The following ABCG2 variants were observed in gnomAD, a reference collection of about 807,000 sequenced individuals.
ABCG2 encodes the protein broad substrate specificity ATP-binding cassette transporter ABCG2.
In ABCG2, 80 loss-of-function variants were observed where a neutral mutation model predicts 73.5. The observed-to-expected ratio is 1.09, with a 90% confidence interval of 0.91 to 1.31. The LOEUF is 1.31. ABCG2 is among the 50% of genes most tolerant of loss of function. The probability of loss-of-function intolerance (pLI) is 0.00; values close to 1 mark genes in which losing one functional copy is unlikely to be tolerated. For missense variants in ABCG2, 796 were observed against 786.2 expected, an observed-to-expected ratio of 1.01 and a Z score of -0.15; for synonymous variants, 269 against 282.4, an observed-to-expected ratio of 0.95 and a Z score of 0.48.
intron 1 of ABCG2, among the ~76,000 whole-genome samples, chr4:88,147,231 C>T (rs1413167301): frequency 6.6e-6 from 1 of 152,184 alleles, no homozygotes; most frequent in Non-Finnish European, 1.5e-5. Context: ...AGCTGTGAGG[C>T]TGAGGCAGGA....
rs1369538347 is a variant in ABCG2, at chr4:88,099,367, C to G, written c.1449G>C (p.Met483Ile). The change falls in exon 12 of 16, where the codon ATG becomes ATC. Residue 483 changes from methionine to isoleucine, a missense_variant. Physicochemically the swap from Met to Ile is conservative, Grantham distance 10 (BLOSUM62 1). Transcript: ENST00000237612. The part of the protein sequence containing the change: ...KLLSDLLPMR[M>I]LPSIIFTCIV... ...TACAGGTAAATATAATACTTGGTAA[C>G]ATCCTCATGGGTAATAAATCAGATA... 5 of 1,611,846 alleles carry G rather than the reference C, an allele frequency of 3.1e-6. No individual in the cohort carries two copies. Among genetic ancestry groups the G allele is most frequent in the Non-Finnish European group, 4.2e-6 (5 of 1,178,848 alleles).
At chr4:88,121,016 T>C (rs1030143910) in intron 6 of ABCG2, among the ~76,000 whole-genome samples, 1 of 152,226 alleles carries the variant, frequency 6.6e-6, no homozygotes, top group Non-Finnish European at 1.5e-5. Context: ...AAATATTTTA[T>C]GTGAAGAGTC....
At chr4:88,182,723 A>G (rs1449758808) in intron 1 of ABCG2, among the ~76,000 whole-genome samples, 4 of 152,216 alleles carry the variant, frequency 2.6e-5, no homozygotes, top group Non-Finnish European at 4.4e-5. Flanking sequence ...GAAATACAAC[A>G]TAGCAAAACC....
rs766988282 is a variant in ABCG2, at chr4:88,121,697, CA to C, written c.626del (p.Leu209TrpfsTer8). The C allele has an allele frequency of 3.1e-6, 5 of 1,614,086 alleles. No homozygotes were observed. Among genetic ancestry groups the C allele is most frequent in the Non-Finnish European group, 4.2e-6 (5 of 1,179,984 alleles). On this transcript the variant is annotated frameshift_variant, in exon 6 of 16. Coordinates refer to ENST00000237612, the MANE Select transcript of ABCG2 (RefSeq NM_004827.3). LOFTEE classifies it high-confidence loss of function. Reference protein sequence around the residue: ...ELITDPSILFLDEPTTGLDSS... With the variant: ...ELITDPSILFXDEPTTGLDSS... ...AGTCTAAGCCAGTTGTAGGCTCATC[CA>C]AGAACAAGATGGAAGGATCAGTGAT...
At chr4:88,121,564 T>C (rs547182380) in intron 6 of ABCG2, 71 bp downstream of exon 6, 1 of 1,424,222 alleles carries the variant, frequency 7.0e-7, no homozygotes, top group Non-Finnish European at 9.6e-7. Context: ...CTGAACCCCC[T>C]GCCCCAAGAA....
At chr4:88,102,572 G>A (rs551710965) in intron 10 of ABCG2, among the ~76,000 whole-genome samples, 62 of 150,398 alleles carry the variant, frequency 4.1e-4, no homozygotes, top group African/African-American at 1.5e-3. Flanking sequence ...CTCCAGCCTG[G>A]GTGACAGAGC....
chr4:88,096,706 T>A lies in ABCG2; in HGVS notation c.1647+747A>T, dbSNP rs569408103. Among the ~76,000 whole-genome samples, 4 of 151,744 alleles carry A rather than the reference T, an allele frequency of 2.6e-5. No homozygotes were observed. In the East Asian group the frequency reaches 7.7e-4, roughly 29 times the overall value. ...TTTCATTCACCTGTTGATTCCTCTATGTGCAAAATTTAGGGGCATGTAAGA... is the reference window on the plus strand; with the variant it reads ...TTTCATTCACCTGTTGATTCCTCTAAGTGCAAAATTTAGGGGCATGTAAGA... On this transcript the variant is annotated intron_variant, in intron 13 of 15. Transcript: ENST00000237612.
chr4:88,135,373 G>A (rs1356881854), intron 2 of ABCG2, among the ~76,000 whole-genome samples: 1 of 152,174 alleles, frequency 6.6e-6, no homozygotes, highest in African/African-American at 2.4e-5. Context: ...GTAAACCACT[G>A]AACATGAACC....
At position 88,130,211 on chromosome 4, in the gene ABCG2, C is replaced by T. The variant is rs542705695; in HGVS notation, c.531+850G>A. Reference sequence around the variant, plus strand: ...GCAAAGCTTCATCGGTATTTACAGCCGCTCCCCAATGCTTGCATTACCACC... The same window carrying T: ...GCAAAGCTTCATCGGTATTTACAGCTGCTCCCCAATGCTTGCATTACCACC... On this transcript the variant is annotated intron_variant, in intron 5 of 15. Transcript: ENST00000237612. Among the ~76,000 whole-genome samples, 178 of 152,226 alleles carry T rather than the reference C, an allele frequency of 1.2e-3. 2 individuals are homozygous for T. The highest frequency in any genetic ancestry group is 8.5e-3 in the South Asian group (41 of 4,818).
chr4:88,191,271 CA>C (rs560675161), intron 1 of ABCG2, among the ~76,000 whole-genome samples: 146 of 100,488 alleles, frequency 1.5e-3, no homozygotes, highest in African/African-American at 4.0e-3. Flanking sequence ...GACTCCGTCT[CA>C]AAAAAAAAAA....
upstream of ABCG2, among the ~76,000 whole-genome samples, chr4:88,160,623 G>A (rs1398820958): frequency 6.6e-6 from 1 of 152,010 alleles, no homozygotes; most frequent in African/African-American, 2.4e-5. Context: ...GCCGAGGCAG[G>A]TGGATCACCT....
At chr4:88,201,414 G>A (rs577973345) in intron 1 of ABCG2, among the ~76,000 whole-genome samples, 2 of 152,254 alleles carry the variant, frequency 1.3e-5, no homozygotes, top group South Asian at 4.1e-4. Context: ...TTCCTTGAAA[G>A]ATGCAATCTG....
At chr4:88,124,532 C>T (rs1276364676) in intron 5 of ABCG2, among the ~76,000 whole-genome samples, 1 of 152,128 alleles carries the variant, frequency 6.6e-6, no homozygotes, top group Non-Finnish European at 1.5e-5. Flanking sequence ...ATAAAACAGA[C>T]TTAAAACCAA....
At chr4:88,101,953 CA>C (rs1722454452) in intron 10 of ABCG2, among the ~76,000 whole-genome samples, 1 of 152,172 alleles carries the variant, frequency 6.6e-6, no homozygotes, top group Non-Finnish European at 1.5e-5. Context: ...AATGTACAAA[CA>C]GAAAAGTGGT....
chr4:88,110,555 G>C (rs1723070201), intron 9 of ABCG2, among the ~76,000 whole-genome samples: 1 of 152,000 alleles, frequency 6.6e-6, no homozygotes. Context: ...AAAAAAAAAG[G>C]GGGTCTTGCT....
chr4:88,195,474 T>C (rs1728906316), intron 1 of ABCG2, among the ~76,000 whole-genome samples: 1 of 152,164 alleles, frequency 6.6e-6, no homozygotes, highest in Non-Finnish European at 1.5e-5. Flanking sequence ...CACCAAAATA[T>C]GTTAGTAGCG....
At chr4:88,182,705 T>C (rs555061418) in intron 1 of ABCG2, among the ~76,000 whole-genome samples, 1 of 151,994 alleles carries the variant, frequency 6.6e-6, no homozygotes, top group South Asian at 2.1e-4. Context: ...TTGAAACAAA[T>C]GATAATGGAA....
At chr4:88,214,618 C>T (rs1259177261) in intron 1 of ABCG2, among the ~76,000 whole-genome samples, 1 of 152,002 alleles carries the variant, frequency 6.6e-6, no homozygotes, top group African/African-American at 2.4e-5. Context: ...CTGGCACTTC[C>T]GTAGGCTGAG....
chr4:88,173,706 C>G (rs1399489354), intron 1 of ABCG2, among the ~76,000 whole-genome samples: 1 of 152,014 alleles, frequency 6.6e-6, no homozygotes, highest in African/African-American at 2.4e-5. Context: ...GTTCAAATAT[C>G]TCTAATTTTT....
Sources: allele counts gnomAD v4.1 joint callset (sites outside exome capture counted in the v4.1 genomes callset), GRCh38; gene constraint gnomAD v4.1.1; transcripts MANE v1.5; gene names NCBI Gene and HGNC (gene_info 2026-07-23, HGNC 2026-07-21).